Variants in CMKLR1 observed in about 807,000 individuals in gnomAD.
The protein encoded by CMKLR1 is chemerin chemokine-like receptor 1.
CMKLR1 carries 6 observed loss-of-function variants against 8.2 expected under a neutral mutation model. The observed-to-expected ratio is 0.73, with a 90% confidence interval of 0.40 to 1.44. CMKLR1 has a LOEUF of 1.44. CMKLR1 is among the 40% of genes most tolerant of loss of function. The pLI is 0.02. For synonymous variants in CMKLR1, 178 were observed against 181.2 expected, an observed-to-expected ratio of 0.98 and a Z score of 0.14; for missense variants, 429 against 478.0, an observed-to-expected ratio of 0.90 and a Z score of 0.96.
rs764876734 is a variant in CMKLR1 at position 108,292,865 on chromosome 12, G to A, written c.98C>T (p.Pro33Leu). ...DSIVVLEDLSPLEARVTRIFL... is the reference protein window; with the variant it reads ...DSIVVLEDLSLLEARVTRIFL... ...GATCCTGGTCACCCTGGCTTCCAAG[G>A]GGGATAAGTCCTCCAAAACCACAAT... Residue 33 changes from proline (P) to leucine (L), a missense_variant, in exon 4 of 4, where the codon CCC becomes CTC. Pro to Leu is a moderately conservative substitution (Grantham distance 98, BLOSUM62 -3). Transcript: ENST00000550402. The A allele has an allele frequency of 6.2e-6, 10 of 1,614,084 alleles. No individual in the cohort carries two copies. In the East Asian group the frequency reaches 1.8e-4, roughly 29 times the overall value.
At position 108,289,606 on chromosome 12, in the gene CMKLR1, G is replaced by A. The variant is rs1189397771; in HGVS notation, c.*2235C>T. On this transcript the variant is annotated 3_prime_UTR_variant, in exon 4 of 4. Transcript: ENST00000550402. Reference sequence around the variant, plus strand: ...TACAAGCCAGGAGGGCCAAGGCGCTGACGACTGCTGCTGTGACCCGGGACA... The same window carrying A: ...TACAAGCCAGGAGGGCCAAGGCGCTAACGACTGCTGCTGTGACCCGGGACA... 1.3e-5 allele frequency: 2 copies of A among 152,258 alleles called. No homozygotes were observed. The highest frequency in any genetic ancestry group is 4.8e-5 in the African/African-American group (2 of 41,470). The allele number at this position is 152,258 out of a possible 1,614,324, so 9.4% of individuals were successfully genotyped here.
rs1193666881 is a variant in CMKLR1 at position 108,327,360 on chromosome 12, T to A, written c.-74+2635A>T. The stretch of plus-strand genomic sequence containing the variant: ...TGGGCATGGTGGCACATGCCTGTAG[T>A]CCTAGCTAACTTGGGAGGCTGAAGC... On this transcript the variant is annotated intron_variant, in intron 2 of 3. Coordinates refer to ENST00000550402, the MANE Select transcript of CMKLR1 (RefSeq NM_001142343.2). Among the ~76,000 whole-genome samples, 3 of 152,126 alleles carry A rather than the reference T, an allele frequency of 2.0e-5. No individual in the cohort carries two copies. The East Asian group carries it at 5.8e-4, about 29-fold the overall frequency.
intron 2 of CMKLR1, among the ~76,000 whole-genome samples, chr12:108,328,971 AGG>A (rs1892044468): frequency 6.6e-6 from 1 of 152,130 alleles, no homozygotes; most frequent in Admixed American, 6.5e-5. Flanking sequence ...GAGTGGTGGG[AGG>A]GGGACCCACC....
At chr12:108,338,717 G>T (rs1892287629) in intron 1 of CMKLR1, among the ~76,000 whole-genome samples, 1 of 152,254 alleles carries the variant, frequency 6.6e-6, no homozygotes, top group African/African-American at 2.4e-5. Flanking sequence ...TCTTAAGATA[G>T]CCTTTCTATG....
intron 2 of CMKLR1, among the ~76,000 whole-genome samples, chr12:108,311,684 G>A (rs945009979): frequency 6.6e-6 from 1 of 152,200 alleles, no homozygotes; most frequent in African/African-American, 2.4e-5. Flanking sequence ...GCATAGAGGG[G>A]GAGAGCTGGT....
Position 108,318,077 on chromosome 12 carries a change from T to C in CMKLR1, c.-74+11918A>G, listed in dbSNP as rs554125951. ...CATCTTATCCTTTTTGATAGCTGCA[T>C]AGTATTCCATTGGTAGATTTGCCAG... On this transcript the variant is annotated intron_variant, in intron 2 of 3. Transcript: ENST00000550402. Among the ~76,000 whole-genome samples the C allele has an allele frequency of 2.0e-5, 3 of 152,384 alleles. No homozygotes were observed. The East Asian group carries it at 5.8e-4, about 29-fold the overall frequency.
At chr12:108,337,789 C>G (rs1004394637) in intron 1 of CMKLR1, among the ~76,000 whole-genome samples, 2 of 152,184 alleles carry the variant, frequency 1.3e-5, no homozygotes, top group African/African-American at 4.8e-5. Flanking sequence ...TTGAGTGCCA[C>G]TGGTTTAGGT....
At chr12:108,329,701 T>C (rs1593179721) in intron 2 of CMKLR1, among the ~76,000 whole-genome samples, 2 of 152,180 alleles carry the variant, frequency 1.3e-5, no homozygotes, top group Non-Finnish European at 2.9e-5. Context: ...TCTGGCTAGA[T>C]GGGCCTCCAC....
chr12:108,322,496 CTGGGG>C (rs1891885854), intron 2 of CMKLR1, among the ~76,000 whole-genome samples: 1 of 152,154 alleles, frequency 6.6e-6, no homozygotes, highest in Non-Finnish European at 1.5e-5. Context: ...TTACTTCAGC[CTGGGG>C]TGCCCACTGG....
chr12:108,322,914 CCTA>C (rs1216439380), intron 2 of CMKLR1, among the ~76,000 whole-genome samples: 1 of 152,346 alleles, frequency 6.6e-6, no homozygotes, highest in East Asian at 1.9e-4. Context: ...CAGCTGGGCA[CCTA>C]CTATGTGCCA....
intron 2 of CMKLR1, among the ~76,000 whole-genome samples, chr12:108,317,010 C>T (rs566124761): frequency 6.6e-6 from 1 of 152,288 alleles, no homozygotes; most frequent in South Asian, 2.1e-4. Flanking sequence ...GCCATGTTGG[C>T]CAAGCTGGTC....
intron 2 of CMKLR1, among the ~76,000 whole-genome samples, chr12:108,310,818 A>T (rs1350891473): frequency 6.6e-6 from 1 of 152,028 alleles, no homozygotes; most frequent in Non-Finnish European, 1.5e-5. Flanking sequence ...GGCCTCATGG[A>T]CCCAGGGCCT....
intron 2 of CMKLR1, among the ~76,000 whole-genome samples, chr12:108,325,280 C>T (rs963887773): frequency 4.6e-5 from 7 of 152,182 alleles, no homozygotes; most frequent in African/African-American, 1.7e-4. Flanking sequence ...TGGCTTCTTT[C>T]ATTTCACCCC....
intron 2 of CMKLR1, among the ~76,000 whole-genome samples, chr12:108,319,695 ATTG>A (rs896811423): frequency 1.8e-3 from 278 of 152,226 alleles, no homozygotes; most frequent in African/African-American, 6.0e-3. Flanking sequence ...CATTGTTATT[ATTG>A]TTGTTGTTGT....
intron 2 of CMKLR1, among the ~76,000 whole-genome samples, chr12:108,327,782 C>A (rs148310020): frequency 6.6e-6 from 1 of 152,188 alleles, no homozygotes; most frequent in African/African-American, 2.4e-5. Flanking sequence ...GTGGAACCAA[C>A]GCAAAAGGCT....
At chr12:108,312,254 T>G (rs192953499) in intron 2 of CMKLR1, among the ~76,000 whole-genome samples, 1 of 152,326 alleles carries the variant, frequency 6.6e-6, no homozygotes, top group Admixed American at 6.5e-5. Context: ...TGAACTCAGA[T>G]CTGTGAGAAC....
Position 108,292,534 on chromosome 12 carries a change from G to C in CMKLR1, c.429C>G (p.Leu143=), listed in dbSNP as rs755496362. The C allele has an allele frequency of 6.8e-6, 11 of 1,614,188 alleles. No individual in the cohort carries two copies. The highest frequency in any genetic ancestry group is 9.3e-6 in the Non-Finnish European group (11 of 1,180,042). The change falls in exon 4 of 4, where the codon CTC becomes CTG. Residue 143 remains leucine, a synonymous_variant. Coordinates refer to ENST00000550402, the MANE Select transcript of CMKLR1 (RefSeq NM_001142343.2). ...ISSDRCISVL[L]PVWSQNHRSV... is the part of the protein sequence containing the mutation. ...TGCGGTGGTTCTGGGACCAGACAGG[G>C]AGGAGCACAGAGATGCAGCGGTCAG...
intron 2 of CMKLR1, among the ~76,000 whole-genome samples, chr12:108,314,934 GTTT>G (rs3045858): frequency 9.1e-6 from 1 of 109,600 alleles, no homozygotes. Context: ...ACACAGCCTT[GTTT>G]TTTTTTTTTT....
chr12:108,336,641 G>A (rs1892232511), intron 1 of CMKLR1, among the ~76,000 whole-genome samples: 2 of 152,104 alleles, frequency 1.3e-5, no homozygotes, highest in East Asian at 1.9e-4. Flanking sequence ...TCATAGCCTC[G>A]CAACTGGCGG....
Sources: gnomAD v4.1 joint callset for allele counts (sites outside exome capture counted in the v4.1 genomes callset) on GRCh38, gnomAD v4.1.1 for gene constraint, MANE v1.5 for transcripts, NCBI Gene and HGNC (gene_info 2026-07-23, HGNC 2026-07-21) for gene names.